Variants in SLC35F4 observed in about 807,000 individuals in gnomAD.
SLC35F4 encodes the protein chromosome 14 open reading frame 36.
Under a neutral mutation model 44.2 loss-of-function variants are expected in SLC35F4, and 24 were observed. That is an observed-to-expected ratio of 0.54 (90% CI 0.39 to 0.76). The LOEUF is 0.76. Among genes scored for constraint, SLC35F4 ranks in the 30% least tolerant of loss-of-function variants. The pLI, the probability that SLC35F4 is intolerant of heterozygous loss-of-function variation, is 0.00. For synonymous variants in SLC35F4, 238 were observed against 223.6 expected, an observed-to-expected ratio of 1.06 and a Z score of -0.57; for missense variants, 562 against 586.1, an observed-to-expected ratio of 0.96 and a Z score of 0.42.
intron 1 of SLC35F4, among the ~76,000 whole-genome samples, chr14:57,701,143 T>G (rs1566776838): frequency 6.6e-6 from 1 of 152,092 alleles, no homozygotes; most frequent in Non-Finnish European, 1.5e-5. Flanking sequence ...GGCCTATTTT[T>G]TTTTAACTTT....
chr14:57,731,384 G>A (rs1393836055), intron 1 of SLC35F4, among the ~76,000 whole-genome samples: 1 of 152,164 alleles, frequency 6.6e-6, no homozygotes, highest in African/African-American at 2.4e-5. Flanking sequence ...TTCTCTGATT[G>A]CTTTTGTGGA....
At chr14:57,648,535 T>C (rs1471665258) in intron 1 of SLC35F4, among the ~76,000 whole-genome samples, 1 of 152,196 alleles carries the variant, frequency 6.6e-6, no homozygotes. Context: ...AGATGCCACA[T>C]GCAGTGAATT....
At chr14:57,955,433 A>G (rs1189260858) in intron 1 of SLC35F4, among the ~76,000 whole-genome samples, 1 of 152,146 alleles carries the variant, frequency 6.6e-6, no homozygotes, top group African/African-American at 2.4e-5. Flanking sequence ...ATTGGAATTT[A>G]TCACCAGGGC....
At chr14:57,861,845 T>C (rs1887707152) in intron 1 of SLC35F4, among the ~76,000 whole-genome samples, 1 of 152,216 alleles carries the variant, frequency 6.6e-6, no homozygotes, top group African/African-American at 2.4e-5. Flanking sequence ...CCTGAACCTC[T>C]TAATGTCAGA....
At chr14:57,954,339 G>A (rs1036629383) in intron 1 of SLC35F4, among the ~76,000 whole-genome samples, 8 of 151,802 alleles carry the variant, frequency 5.3e-5, no homozygotes, top group Non-Finnish European at 1.2e-4. Context: ...ATCAAAAACT[G>A]ACACTAACAT....
At chr14:57,949,286 T>C (rs1890092163) in intron 1 of SLC35F4, among the ~76,000 whole-genome samples, 1 of 152,326 alleles carries the variant, frequency 6.6e-6, no homozygotes, top group Non-Finnish European at 1.5e-5. Flanking sequence ...ATAATGTTCC[T>C]CTTTGTCTTT....
rs1391986842 is a variant in SLC35F4 at position 57,980,966 on chromosome 14, AAACC to A, written n.151+943_151+946del. 1.8e-4 allele frequency among the ~76,000 whole-genome samples: 27 copies of A among 152,218 alleles called. 1 individual carries two copies. In the East Asian group the frequency reaches 4.6e-3, roughly 26 times the overall value. ...CAGGCCTAGAGTGTTGTCAACAACC[AAACC>A]AATAGGGAAGGATTCTCCTCTATTC... On this transcript the variant is annotated intron_variant and non_coding_transcript_variant, in intron 1 of 1. Transcript: ENST00000554648.
At chr14:57,792,885 A>G (rs999291432) in intron 1 of SLC35F4, among the ~76,000 whole-genome samples, 3 of 152,258 alleles carry the variant, frequency 2.0e-5, no homozygotes, top group Middle Eastern at 3.4e-3. Flanking sequence ...GAATTTACTC[A>G]TGTAACCAAA....
chr14:57,941,732 T>G (rs968358884), intron 1 of SLC35F4, among the ~76,000 whole-genome samples: 1 of 152,192 alleles, frequency 6.6e-6, no homozygotes, highest in Non-Finnish European at 1.5e-5. Flanking sequence ...TTATGACCAT[T>G]AAAAAGTAAC....
intron 1 of SLC35F4, among the ~76,000 whole-genome samples, chr14:57,672,979 A>T (rs1260979775): frequency 1.3e-5 from 2 of 152,042 alleles, no homozygotes; most frequent in African/African-American, 2.4e-5. Flanking sequence ...CATTTTATTC[A>T]ATAAAAAAAT....
intron 1 of SLC35F4, among the ~76,000 whole-genome samples, chr14:57,697,248 T>C (rs765278545): frequency 2.0e-5 from 3 of 152,208 alleles, no homozygotes; most frequent in African/African-American, 4.8e-5. Flanking sequence ...AAGTGTGCTA[T>C]ATAATTCTAA....
chr14:57,954,215 T>A (rs902825798), intron 1 of SLC35F4, among the ~76,000 whole-genome samples: 1 of 152,160 alleles, frequency 6.6e-6, no homozygotes, highest in Non-Finnish European at 1.5e-5. Flanking sequence ...AATAAATAAG[T>A]TCTTTGAACC....
At chr14:57,724,659 C>T (rs181306330) in intron 1 of SLC35F4, among the ~76,000 whole-genome samples, 6 of 152,186 alleles carry the variant, frequency 3.9e-5, no homozygotes, top group Non-Finnish European at 7.3e-5. Flanking sequence ...TTCTCCCCCC[C>T]AGCCTGCACC....
chr14:57,961,615 A>C (rs970564710), intron 1 of SLC35F4, among the ~76,000 whole-genome samples: 1 of 152,158 alleles, frequency 6.6e-6, no homozygotes, highest in African/African-American at 2.4e-5. Flanking sequence ...CAAGACTCTT[A>C]AGATGCCTAT....
At chr14:57,874,146 T>C (rs1407976199) in intron 1 of SLC35F4, among the ~76,000 whole-genome samples, 1 of 152,214 alleles carries the variant, frequency 6.6e-6, no homozygotes, top group African/African-American at 2.4e-5. Context: ...CATCTTCATC[T>C]GACTACTACT....
At chr14:57,972,909 C>T (rs762487752), downstream of SLC35F4, among the ~76,000 whole-genome samples, 4 of 152,184 alleles carry the variant, frequency 2.6e-5, no homozygotes, top group Non-Finnish European at 5.9e-5. Context: ...AATACAATGC[C>T]GAGGGAGAAG....
At chr14:57,890,547 C>T (rs1888739119) in intron 1 of SLC35F4, among the ~76,000 whole-genome samples, 1 of 123,694 alleles carries the variant, frequency 8.1e-6, no homozygotes, top group South Asian at 2.5e-4. Flanking sequence ...ATGTGAGCCC[C>T]TCTCCACTGC....
intron 1 of SLC35F4, among the ~76,000 whole-genome samples, chr14:57,924,453 C>CTT (rs879756219): frequency 1.4e-5 from 2 of 144,050 alleles, no homozygotes; most frequent in Admixed American, 6.9e-5. Context: ...CTCTTTCTTT[C>CTT]TTTTTTTTTT....
rs546477421 is a variant in SLC35F4 at position 57,758,195 on chromosome 14, G to A, written c.103+107528C>T. ...GATTTTCTCTTTATCAATGGTTTTG[G>A]ACAATTTAATTATGATACGCTTTAG... On this transcript the variant is annotated intron_variant, in intron 1 of 7. Coordinates refer to ENST00000556826, the MANE Select transcript of SLC35F4 (RefSeq NM_001306087.2). Among the ~76,000 whole-genome samples, 244 of 151,992 alleles carry A rather than the reference G, an allele frequency of 1.6e-3. 2 individuals are homozygous for A. Among genetic ancestry groups the A allele is most frequent in the Middle Eastern group, 0.01 (3 of 292 alleles).
Sources: gnomAD v4.1 joint callset for allele counts (sites outside exome capture counted in the v4.1 genomes callset) on GRCh38, gnomAD v4.1.1 for gene constraint, MANE v1.5 for transcripts, NCBI Gene and HGNC (gene_info 2026-07-23, HGNC 2026-07-21) for gene names.